The following ENTREP2 variants were observed in gnomAD, a reference collection of about 807,000 sequenced individuals.
ENTREP2 encodes protein ENTREP2.
the ENTREP2 span, among the ~76,000 whole-genome samples, chr15:29,137,481 C>T: frequency 2.5e-3 from 386 of 152,288 alleles, 1 homozygote; most frequent in African/African-American, 9.0e-3. Context: ...CTCCAACTGG[C>T]CCCTCTGATG....
chr15:29,138,643 G>A, the ENTREP2 span, among the ~76,000 whole-genome samples: 4 of 151,794 alleles, frequency 2.6e-5, no homozygotes, highest in Non-Finnish European at 5.9e-5. Context: ...GTGTATATGT[G>A]TATGTGTATG....
At chr15:29,507,969 T>A in the ENTREP2 span, among the ~76,000 whole-genome samples, 1 of 152,090 alleles carries the variant, frequency 6.6e-6, no homozygotes, top group African/African-American at 2.4e-5. Flanking sequence ...CAGGAGCAGA[T>A]TTTTTGAAAA....
At chr15:29,340,421 C>A in the ENTREP2 span, among the ~76,000 whole-genome samples, 1 of 152,092 alleles carries the variant, frequency 6.6e-6, no homozygotes, top group Admixed American at 6.5e-5. Flanking sequence ...AGTTCTACAG[C>A]AGGGAGGGTG....
chr15:29,531,190 C>T, the ENTREP2 span, among the ~76,000 whole-genome samples: 4 of 152,172 alleles, frequency 2.6e-5, no homozygotes, highest in Admixed American at 6.5e-5. Context: ...ATCCTTTATG[C>T]GTGACAGTCT....
the ENTREP2 span, among the ~76,000 whole-genome samples, chr15:29,298,741 T>C: frequency 2.0e-5 from 3 of 152,112 alleles, no homozygotes; most frequent in South Asian, 6.2e-4. Flanking sequence ...TGAAATAAAA[T>C]CCTACAGCCA....
chr15:29,177,180 G>A, the ENTREP2 span, among the ~76,000 whole-genome samples: 31 of 152,196 alleles, frequency 2.0e-4, no homozygotes, highest in Admixed American at 1.6e-3. Context: ...CTCTGGGAGC[G>A]GCTGGGGGAG....
At chr15:29,489,552 T>A in the ENTREP2 span, among the ~76,000 whole-genome samples, 1 of 152,246 alleles carries the variant, frequency 6.6e-6, no homozygotes, top group African/African-American at 2.4e-5. Context: ...ACTATTTTAA[T>A]TGAATTCATT....
At chr15:29,543,883 A>C in the ENTREP2 span, among the ~76,000 whole-genome samples, 1 of 151,992 alleles carries the variant, frequency 6.6e-6, no homozygotes, top group South Asian at 2.1e-4. Flanking sequence ...TATTACCAAA[A>C]TGATGTCAAA....
the ENTREP2 span, among the ~76,000 whole-genome samples, chr15:29,208,464 C>CGGA: frequency 5.8e-3 from 890 of 152,308 alleles, 7 homozygotes; most frequent in African/African-American, 0.021. Context: ...TCTCAAGCCT[C>CGGA]TGCCCAGTGG....
chr15:29,589,121 AG>A, the ENTREP2 span, among the ~76,000 whole-genome samples: 3 of 152,214 alleles, frequency 2.0e-5, no homozygotes, highest in African/African-American at 7.2e-5. Context: ...ACTTTGAAAG[AG>A]AAGGAAGAGG....
At chr15:29,579,144 G>A in the ENTREP2 span, among the ~76,000 whole-genome samples, 1 of 152,174 alleles carries the variant, frequency 6.6e-6, no homozygotes, top group Non-Finnish European at 1.5e-5. Flanking sequence ...AAATAATGGA[G>A]TAAAATTTAT....
At chr15:29,444,983 G>T in the ENTREP2 span, among the ~76,000 whole-genome samples, 1 of 152,180 alleles carries the variant, frequency 6.6e-6, no homozygotes, top group Non-Finnish European at 1.5e-5. Context: ...AAAGAAACAG[G>T]GCTGCCAGCC....
At chr15:29,674,526 C>T in the ENTREP2 span, among the ~76,000 whole-genome samples, 1 of 152,128 alleles carries the variant, frequency 6.6e-6, no homozygotes, top group Non-Finnish European at 1.5e-5. Context: ...CCTCGGCCTC[C>T]CAAAGTGCCG....
the ENTREP2 span, chr15:29,268,515 T>C: frequency 2.4e-6 from 1 of 410,568 alleles, no homozygotes; most frequent in East Asian, 3.7e-5. Flanking sequence ...TTCCAGATCA[T>C]AGTCAAGTTT....
the ENTREP2 span, among the ~76,000 whole-genome samples, chr15:29,227,479 C>T: frequency 3.9e-5 from 6 of 152,206 alleles, no homozygotes; most frequent in Non-Finnish European, 8.8e-5. Flanking sequence ...CAAGGGTCTG[C>T]GATGTCACCC....
the ENTREP2 span, among the ~76,000 whole-genome samples, chr15:29,591,625 G>C: frequency 6.6e-6 from 1 of 151,966 alleles, no homozygotes; most frequent in Admixed American, 6.6e-5. Flanking sequence ...TGGGTGCGGT[G>C]GTTCACACCT....
At chr15:29,526,961 G>A in the ENTREP2 span, among the ~76,000 whole-genome samples, 1 of 152,066 alleles carries the variant, frequency 6.6e-6, no homozygotes, top group Non-Finnish European at 1.5e-5. Context: ...AATCCGGGGG[G>A]CACGTGTTTG....
the ENTREP2 span, among the ~76,000 whole-genome samples, chr15:29,228,493 G>C: frequency 6.6e-6 from 1 of 152,090 alleles, no homozygotes; most frequent in Non-Finnish European, 1.5e-5. Flanking sequence ...TTTCTATTAG[G>C]GATGATGAAA....
At chr15:29,234,136 C>G in the ENTREP2 span, 1 of 1,554,910 alleles carries the variant, frequency 6.4e-7, no homozygotes, top group East Asian at 2.2e-5. Context: ...TGGGACTCTG[C>G]TCTCCATGTC....
Sources: gnomAD v4.1 joint callset for allele counts (sites outside exome capture counted in the v4.1 genomes callset) on GRCh38, gnomAD v4.1.1 for gene constraint, MANE v1.5 for transcripts, NCBI Gene and HGNC (gene_info 2026-07-23, HGNC 2026-07-21) for gene names.